Variants in TNFRSF13B observed in about 807,000 individuals in gnomAD.
TNFRSF13B encodes the protein TNF receptor superfamily member 13B.
TNFRSF13B carries 34 observed loss-of-function variants against 24.0 expected under a neutral mutation model. The observed-to-expected ratio is 1.41, with a 90% confidence interval of 1.08 to 1.88. The LOEUF is 1.88. Among genes scored for constraint, TNFRSF13B ranks in the 40% most tolerant of loss-of-function variants. The pLI, the probability that TNFRSF13B is intolerant of heterozygous loss-of-function variation, is 0.00. For synonymous variants in TNFRSF13B, 173 were observed against 150.3 expected, an observed-to-expected ratio of 1.15 and a Z score of -1.10; for missense variants, 415 against 380.8, an observed-to-expected ratio of 1.09 and a Z score of -0.75.
chr17:16,969,011 C>T (rs1160489914), intron 1 of TNFRSF13B, among the ~76,000 whole-genome samples: 1 of 152,182 alleles, frequency 6.6e-6, no homozygotes, highest in Admixed American at 6.5e-5. Flanking sequence ...CCACCTCACA[C>T]CCCTTGGGAT....
At chr17:16,963,560 G>A (rs71362292) in intron 1 of TNFRSF13B, among the ~76,000 whole-genome samples, 5,544 of 142,056 alleles carry the variant, frequency 0.039, 127 homozygotes, top group South Asian at 0.12. Context: ...TGTTTTTTTG[G>A]TTTTTTCGAG....
At chr17:16,965,551 G>C (rs370187626) in intron 1 of TNFRSF13B, among the ~76,000 whole-genome samples, 15 of 152,318 alleles carry the variant, frequency 9.8e-5, no homozygotes, top group African/African-American at 3.6e-4. Flanking sequence ...AAAGCAAGCC[G>C]CATTCTTGCA....
intron 2 of TNFRSF13B, among the ~76,000 whole-genome samples, chr17:16,950,555 C>T (rs1222333143): frequency 2.6e-5 from 4 of 152,188 alleles, no homozygotes; most frequent in Admixed American, 6.5e-5. Flanking sequence ...CTGCTCTGGC[C>T]CTGCCCTATC....
intron 3 of TNFRSF13B, among the ~76,000 whole-genome samples, chr17:16,942,287 C>A (rs140006798): frequency 1.6e-4 from 24 of 152,204 alleles, no homozygotes; most frequent in African/African-American, 5.3e-4. Context: ...CTCACCAATT[C>A]CCAGGCCGGT....
At chr17:16,951,629 C>T (rs55785222) in intron 2 of TNFRSF13B, among the ~76,000 whole-genome samples, 5 of 152,318 alleles carry the variant, frequency 3.3e-5, no homozygotes, top group African/African-American at 1.2e-4. Context: ...TGGCTCACGC[C>T]TGTAATCCCA....
chr17:16,946,026 T>C lies in TNFRSF13B; in HGVS notation c.445+2712A>G, dbSNP rs544952671. ...TCCCAGGAGGAGGATGAGAGGCACATGGAGCAGAGCCAGCCTGGCACAGCT... is the reference window on the plus strand; with the variant it reads ...TCCCAGGAGGAGGATGAGAGGCACACGGAGCAGAGCCAGCCTGGCACAGCT... On this transcript the variant is annotated intron_variant, in intron 3 of 4. Transcript: ENST00000261652. Among the ~76,000 whole-genome samples, 3 of 152,288 alleles carry C rather than the reference T, an allele frequency of 2.0e-5. No individual in the cohort carries two copies. The South Asian group carries it at 6.2e-4, about 32-fold the overall frequency.
At chr17:16,963,264 T>C (rs1289989149) in intron 1 of TNFRSF13B, among the ~76,000 whole-genome samples, 1 of 152,210 alleles carries the variant, frequency 6.6e-6, no homozygotes, top group Admixed American at 6.5e-5. Flanking sequence ...TGCCATTTCT[T>C]ATGATAAGGA....
At chr17:16,960,977 A>G (rs557183731) in intron 1 of TNFRSF13B, among the ~76,000 whole-genome samples, 2 of 152,254 alleles carry the variant, frequency 1.3e-5, no homozygotes, top group Non-Finnish European at 2.9e-5. Flanking sequence ...AAAACATTCA[A>G]GTGGTCAACA....
At chr17:16,967,930 G>A (rs1403690398) in intron 1 of TNFRSF13B, among the ~76,000 whole-genome samples, 25 of 151,448 alleles carry the variant, frequency 1.7e-4, no homozygotes, top group Admixed American at 1.6e-3. Flanking sequence ...GAGATCAGGA[G>A]ATTGAGACCA....
chr17:16,939,754 C>T lies in TNFRSF13B; in HGVS notation c.675G>A (p.Glu225=). 1 of 1,610,718 alleles carries T rather than the reference C, an allele frequency of 6.2e-7. No homozygotes were observed. Among genetic ancestry groups the T allele is most frequent in the Non-Finnish European group, 8.5e-7 (1 of 1,178,348 alleles). ...EAGSPVSTSP[E]PVETCSFCFP... ...AGCAGAAGCTGCAGGTCTCCACTGG[C>T]TCGGGGGATGTGCTCACAGGGCTGC... is the stretch of plus-strand genomic sequence containing the variant. Residue 225 remains glutamate (E), a synonymous_variant, in exon 5 of 5, where the codon GAG becomes GAA. Transcript: ENST00000261652.
At chr17:16,943,894 C>A (rs2087528764) in intron 3 of TNFRSF13B, among the ~76,000 whole-genome samples, 1 of 152,046 alleles carries the variant, frequency 6.6e-6, no homozygotes, top group East Asian at 1.9e-4. Context: ...CCTGCACCTG[C>A]CCCGGAGCCC....
intron 1 of TNFRSF13B, among the ~76,000 whole-genome samples, chr17:16,963,177 T>C (rs1465416190): frequency 6.6e-6 from 1 of 152,208 alleles, no homozygotes; most frequent in East Asian, 1.9e-4. Flanking sequence ...GTGAGCAGCA[T>C]ATGCATGGCA....
Position 16,963,751 on chromosome 17 carries a change from C to T in TNFRSF13B, c.61+8264G>A, listed in dbSNP as rs531482686. 1.8e-4 allele frequency among the ~76,000 whole-genome samples: 28 copies of T among 152,214 alleles called. No individual in the cohort carries two copies. In the South Asian group the frequency reaches 1.9e-3, roughly 10 times the overall value. ...ATTTTTAGTAGAGACAGGGTTTCAC[C>T]GTGTTAGCCAGGATGGTCTCGATCT... On this transcript the variant is annotated intron_variant, in intron 1 of 4. Transcript: ENST00000261652.
intron 1 of TNFRSF13B, among the ~76,000 whole-genome samples, chr17:16,967,395 G>GA (rs1160927349): frequency 2.0e-5 from 3 of 151,486 alleles, no homozygotes; most frequent in Admixed American, 1.3e-4. Context: ...GGTTATTTTT[G>GA]AAAAAAGGGG....
Position 16,939,735 on chromosome 17 carries a change from A to T in TNFRSF13B, c.694T>A (p.Phe232Ile). The T allele has an allele frequency of 6.2e-7, 1 of 1,607,164 alleles. No individual in the cohort carries two copies. The highest frequency in any genetic ancestry group is 8.5e-7 in the Non-Finnish European group (1 of 1,175,496). ...TSPEPVETCS[F>I]CFPECRAPTQ... ...GGCGCCCTGCACTCAGGGAAGCAGA[A>T]GCTGCAGGTCTCCACTGGCTCGGGG... Residue 232 changes from phenylalanine to isoleucine, a missense_variant, in exon 5 of 5, where the codon TTC (phenylalanine) becomes ATC (isoleucine). Coordinates refer to ENST00000261652, the MANE Select transcript of TNFRSF13B (RefSeq NM_012452.3).
At chr17:16,948,353 TTATAAA>T (rs979089191) in intron 3 of TNFRSF13B, among the ~76,000 whole-genome samples, 2 of 152,128 alleles carry the variant, frequency 1.3e-5, no homozygotes, top group African/African-American at 4.8e-5. Flanking sequence ...AAAGTTGAAA[TTATAAA>T]TAAAATAATA....
At chr17:16,940,787 A>G in intron 3 of TNFRSF13B, 1 of 1,373,964 alleles carries the variant, frequency 7.3e-7, no homozygotes, top group South Asian at 1.5e-5. Context: ...TGTAATTGGG[A>G]CAGCGCTGGA....
chr17:16,961,098 TAAG>T (rs2087659250), intron 1 of TNFRSF13B, among the ~76,000 whole-genome samples: 1 of 152,046 alleles, frequency 6.6e-6, no homozygotes, highest in Non-Finnish European at 1.5e-5. Context: ...AAATGGAAAA[TAAG>T]CAGCGTTAGA....
At chr17:16,942,262 C>T (rs541726551) in intron 3 of TNFRSF13B, among the ~76,000 whole-genome samples, 1 of 152,348 alleles carries the variant, frequency 6.6e-6, no homozygotes, top group East Asian at 1.9e-4. Flanking sequence ...CTTAGACCTG[C>T]ACCCGGGAGC....
Sources: allele counts gnomAD v4.1 joint callset (sites outside exome capture counted in the v4.1 genomes callset), GRCh38; gene constraint gnomAD v4.1.1; transcripts MANE v1.5; gene names NCBI Gene and HGNC (gene_info 2026-07-23, HGNC 2026-07-21).